CEP63: variants seen among roughly 807,000 people sequenced by gnomAD.
CEP63 encodes centrosomal protein 63.
Under a neutral mutation model 89.1 loss-of-function variants are expected in CEP63, and 84 were observed. The observed-to-expected ratio is 0.94, with a 90% CI of 0.79 to 1.13. The LOEUF (loss-of-function observed/expected upper bound fraction) is 1.13, where lower values mean the gene tolerates loss of function less well. Among genes scored for constraint, CEP63 ranks in the 50% most tolerant of loss-of-function variants. The pLI is 0.00. For synonymous variants in CEP63, 267 were observed against 272.5 expected, an observed-to-expected ratio of 0.98 and a Z score of 0.20; for missense variants, 838 against 813.3, an observed-to-expected ratio of 1.03 and a Z score of -0.37.
chr3:134,495,815 T>A (rs1232924168), intron 2 of CEP63, among the ~76,000 whole-genome samples: 2 of 152,220 alleles, frequency 1.3e-5, no homozygotes, highest in Non-Finnish European at 2.9e-5. Flanking sequence ...CACATATGAA[T>A]GAGAACATGA....
the CEP63 span, among the ~76,000 whole-genome samples, chr3:134,628,743 G>A: frequency 2.0e-5 from 3 of 152,082 alleles, no homozygotes; most frequent in Admixed American, 1.3e-4. Flanking sequence ...AGGCAGATTC[G>A]CTTATTTTCC....
At chr3:134,716,652 T>C in the CEP63 span, among the ~76,000 whole-genome samples, 20 of 152,300 alleles carry the variant, frequency 1.3e-4, no homozygotes, top group African/African-American at 4.8e-4. Context: ...ACCTGTGCTT[T>C]GATACAAAGC....
At chr3:134,598,397 G>T in the CEP63 span, among the ~76,000 whole-genome samples, 1 of 151,964 alleles carries the variant, frequency 6.6e-6, no homozygotes, top group Non-Finnish European at 1.5e-5. Context: ...TGCCTTTCCC[G>T]CTAGTGCCTA....
At chr3:134,735,145 A>T in the CEP63 span, among the ~76,000 whole-genome samples, 11 of 152,258 alleles carry the variant, frequency 7.2e-5, no homozygotes, top group African/African-American at 1.9e-4. Flanking sequence ...TAAGCTTTTT[A>T]AAAAAATCCA....
chr3:134,613,073 G>A, the CEP63 span: 4 of 154,368 alleles, frequency 2.6e-5, no homozygotes, highest in African/African-American at 7.2e-5. Context: ...GGAGGGATAA[G>A]GGGAGTCCTG....
chr3:134,598,622 G>A, the CEP63 span, among the ~76,000 whole-genome samples: 9 of 152,314 alleles, frequency 5.9e-5, no homozygotes, highest in Admixed American at 4.6e-4. Context: ...GTAGCAGGTC[G>A]TGGGAAAGGA....
the CEP63 span, among the ~76,000 whole-genome samples, chr3:134,600,010 A>T: frequency 3.3e-5 from 5 of 152,198 alleles, no homozygotes; most frequent in Admixed American, 3.3e-4. Flanking sequence ...GGCCCACACA[A>T]CTCAATGCAC....
intron 10 of CEP63, among the ~76,000 whole-genome samples, chr3:134,583,029 TG>T (rs1285733457): frequency 6.6e-6 from 1 of 152,234 alleles, no homozygotes; most frequent in Non-Finnish European, 1.5e-5. Flanking sequence ...TGGGGTTGTT[TG>T]TTTTTTTCTT....
the CEP63 span, among the ~76,000 whole-genome samples, chr3:134,675,650 A>T: frequency 2.0e-5 from 3 of 152,236 alleles, no homozygotes; most frequent in African/African-American, 7.2e-5. Context: ...AATGACTCAT[A>T]TCTACACTAT....
the CEP63 span, among the ~76,000 whole-genome samples, chr3:134,630,863 G>A: frequency 2.2e-4 from 34 of 152,230 alleles, no homozygotes; most frequent in African/African-American, 8.2e-4. Context: ...ATAGCAAACA[G>A]TTTTGAGATA....
chr3:134,684,112 GTTC>G, the CEP63 span, among the ~76,000 whole-genome samples: 35 of 152,206 alleles, frequency 2.3e-4, no homozygotes, highest in Non-Finnish European at 4.4e-4. Context: ...AGACTTTTTT[GTTC>G]TTCTTTGGCT....
chr3:134,494,489 C>T (rs1939040769), intron 1 of CEP63, among the ~76,000 whole-genome samples: 1 of 152,070 alleles, frequency 6.6e-6, no homozygotes, highest in African/African-American at 2.4e-5. Context: ...TGTAGTTCCC[C>T]AGCTGTGACC....
chr3:134,486,288 C>T (rs1199361409), intron 1 of CEP63, 86 bp downstream of exon 1: 2 of 985,472 alleles, frequency 2.0e-6, no homozygotes, highest in South Asian at 4.7e-5. Context: ...GCTGCCGTGT[C>T]CTGGTCTGGA....
At chr3:134,507,079 G>GT (rs764450188) in intron 2 of CEP63, 30 bp from the exon 3 acceptor site, 7 of 1,592,008 alleles carry the variant, frequency 4.4e-6, no homozygotes, top group South Asian at 1.1e-5. Context: ...CATATCTTCT[G>GT]TTTTTTTAAT....
intron 3 of CEP63, among the ~76,000 whole-genome samples, chr3:134,527,256 G>T (rs1948847127): frequency 6.6e-6 from 1 of 152,190 alleles, no homozygotes; most frequent in Non-Finnish European, 1.5e-5. Context: ...GTGCACAGTG[G>T]CACTGGTGGT....
the CEP63 span, among the ~76,000 whole-genome samples, chr3:134,778,546 T>C: frequency 6.6e-6 from 1 of 151,850 alleles, no homozygotes; most frequent in East Asian, 1.9e-4. Flanking sequence ...GTTTTGTTTG[T>C]TTGTTTGTTT....
At chr3:134,716,444 A>T in the CEP63 span, among the ~76,000 whole-genome samples, 2 of 152,150 alleles carry the variant, frequency 1.3e-5, no homozygotes, top group Non-Finnish European at 2.9e-5. Context: ...TTTTGCAGGG[A>T]AGAGGAAGTA....
the CEP63 span, among the ~76,000 whole-genome samples, chr3:134,708,139 C>T: frequency 1.3e-5 from 2 of 152,182 alleles, no homozygotes; most frequent in African/African-American, 2.4e-5. Flanking sequence ...AATCCTTGCA[C>T]CCTTGCTTGC....
chr3:134,566,687 C>T (rs1366090148), downstream of CEP63, among the ~76,000 whole-genome samples: 2 of 152,014 alleles, frequency 1.3e-5, no homozygotes, highest in East Asian at 1.9e-4. Flanking sequence ...AAAAGATGTT[C>T]AACATCATTA....
Sources: allele counts gnomAD v4.1 joint callset (sites outside exome capture counted in the v4.1 genomes callset), GRCh38; gene constraint gnomAD v4.1.1; transcripts MANE v1.5; gene names NCBI Gene and HGNC (gene_info 2026-07-23, HGNC 2026-07-21).